The following VDAC1 variants were observed in gnomAD, a reference collection of about 807,000 sequenced individuals.
VDAC1 encodes the protein voltage dependent anion channel 1.
Under a neutral mutation model 34.7 loss-of-function variants are expected in VDAC1, and 10 were observed. The ratio of observed to expected loss-of-function variants is 0.29; its 90% confidence interval spans 0.18 to 0.49. The LOEUF is 0.49. Among genes scored for constraint, VDAC1 ranks in the 20% least tolerant of loss-of-function variants. The pLI, the probability that VDAC1 is intolerant of heterozygous loss-of-function variation, is 0.99. For synonymous variants in VDAC1, 130 were observed against 136.0 expected (o/e 0.96, Z 0.30); for missense variants, 230 against 347.9 (o/e 0.66, Z 2.69).
At chr5:134,109,936 C>G in the VDAC1 span, among the ~76,000 whole-genome samples, 1 of 152,194 alleles carries the variant, frequency 6.6e-6, no homozygotes, top group Non-Finnish European at 1.5e-5. Context: ...ACTGGTACAC[C>G]CGGCAGCCTA....
chr5:134,006,401 G>A (rs1753751215), upstream of VDAC1, among the ~76,000 whole-genome samples: 1 of 152,152 alleles, frequency 6.6e-6, no homozygotes. Context: ...GGGAGCAAAT[G>A]TCGAAGGGCT....
the VDAC1 span, among the ~76,000 whole-genome samples, chr5:134,085,593 ACCATCCCCACAGGG>A: frequency 2.7e-5 from 4 of 149,798 alleles, no homozygotes; most frequent in East Asian, 8.3e-4. Context: ...ATATTGGTCA[ACCATCCCCACAGGG>A]CCAGGCGCAG....
chr5:133,975,945 A>G lies in VDAC1; in HGVS notation c.628T>C (p.Trp210Arg). ...KKLETAVNLA[W>R]TAGNSNTRFG... ...CGCGTGTTACTGTTTCCTGCTGTCC[A>G]GGCAAGATTGACAGCGGTCTCCAAC... The change falls in exon 7 of 9, where the codon TGG (tryptophan) becomes CGG (arginine). Residue 210 changes from tryptophan to arginine, a missense_variant. Coordinates refer to ENST00000265333, the MANE Select transcript of VDAC1 (RefSeq NM_003374.3). 1 of 1,613,138 alleles carries G rather than the reference A, an allele frequency of 6.2e-7. No homozygotes were observed. The highest frequency in any genetic ancestry group is 8.5e-7 in the Non-Finnish European group (1 of 1,179,922).
At chr5:134,102,328 C>T in the VDAC1 span, among the ~76,000 whole-genome samples, 10 of 147,070 alleles carry the variant, frequency 6.8e-5, no homozygotes, top group Non-Finnish European at 1.5e-4. Flanking sequence ...CATCCCCCCA[C>T]CCTCTACCCC....
At chr5:134,081,549 G>A in the VDAC1 span, among the ~76,000 whole-genome samples, 1 of 152,162 alleles carries the variant, frequency 6.6e-6, no homozygotes, top group Non-Finnish European at 1.5e-5. Flanking sequence ...TGAAATAAAA[G>A]TATTATTTGT....
the VDAC1 span, among the ~76,000 whole-genome samples, chr5:134,076,265 C>T: frequency 6.6e-6 from 1 of 152,202 alleles, no homozygotes; most frequent in African/African-American, 2.4e-5. Flanking sequence ...AGGCATGAGC[C>T]ACCATGCCCA....
the VDAC1 span, among the ~76,000 whole-genome samples, chr5:134,028,910 T>G: frequency 6.6e-6 from 1 of 152,196 alleles, no homozygotes; most frequent in Admixed American, 6.5e-5. Flanking sequence ...TCCTTGAATG[T>G]GGACCACAGC....
intron 6 of VDAC1, among the ~76,000 whole-genome samples, chr5:133,978,157 T>A: frequency 6.7e-6 from 1 of 149,252 alleles, no homozygotes; most frequent in East Asian, 2.0e-4. Context: ...AGAGAATACA[T>A]TCTAAATTTT....
At chr5:134,098,597 T>G in the VDAC1 span, among the ~76,000 whole-genome samples, 1 of 152,154 alleles carries the variant, frequency 6.6e-6, no homozygotes, top group Non-Finnish European at 1.5e-5. Context: ...CCTGGACAGG[T>G]GGTGGTGTCC....
At chr5:134,039,571 C>T in the VDAC1 span, among the ~76,000 whole-genome samples, 1 of 152,168 alleles carries the variant, frequency 6.6e-6, no homozygotes, top group East Asian at 1.9e-4. Flanking sequence ...CCTCGTGATC[C>T]GCCCGCCTTG....
the VDAC1 span, among the ~76,000 whole-genome samples, chr5:134,089,256 G>A: frequency 2.4e-4 from 36 of 152,354 alleles, no homozygotes; most frequent in African/African-American, 6.7e-4. Flanking sequence ...CAGCCTCAGC[G>A]CAGATGACTG....
At chr5:134,033,730 C>T in the VDAC1 span, among the ~76,000 whole-genome samples, 80 of 150,810 alleles carry the variant, frequency 5.3e-4, no homozygotes, top group African/African-American at 1.8e-3. Flanking sequence ...CGATGGCTCA[C>T]GCCTGTAATC....
At chr5:134,027,039 T>C in the VDAC1 span, among the ~76,000 whole-genome samples, 1 of 152,122 alleles carries the variant, frequency 6.6e-6, no homozygotes, top group East Asian at 1.9e-4. Context: ...ACTTCACAGC[T>C]TTGGGGAAGA....
the VDAC1 span, among the ~76,000 whole-genome samples, chr5:134,063,803 G>T: frequency 6.6e-6 from 1 of 152,062 alleles, no homozygotes; most frequent in African/African-American, 2.4e-5. Context: ...CAAATAAAAT[G>T]ATTGTTGTCT....
chr5:133,979,423 G>GTTTTTTT (rs1561583199), intron 6 of VDAC1, among the ~76,000 whole-genome samples: 1 of 59,290 alleles, frequency 1.7e-5, no homozygotes, highest in African/African-American at 5.0e-5. Context: ...TATTTTCTTT[G>GTTTTTTT]CTTTTTTTTT....
intron 2 of VDAC1, 44 bp from the exon 3 acceptor site, chr5:133,992,399 A>G (rs780774681): frequency 1.4e-6 from 2 of 1,476,044 alleles, no homozygotes; most frequent in South Asian, 2.6e-5. Flanking sequence ...AAATAACTAG[A>G]GAACAGCACC....
intron 5 of VDAC1, among the ~76,000 whole-genome samples, chr5:133,983,512 T>C (rs561092584): frequency 6.6e-6 from 1 of 152,140 alleles, no homozygotes; most frequent in South Asian, 2.1e-4. Flanking sequence ...GTTAAACATA[T>C]TTTTCTGTAT....
chr5:134,043,524 TTC>T, the VDAC1 span, among the ~76,000 whole-genome samples: 56 of 148,042 alleles, frequency 3.8e-4, no homozygotes, highest in Non-Finnish European at 1.0e-4. Flanking sequence ...GGGTAGACTT[TTC>T]TTTTTTCTTT....
intron 2 of VDAC1, 33 bp downstream of exon 2, chr5:133,992,913 A>G (rs1260646226): frequency 3.8e-6 from 6 of 1,599,658 alleles, no homozygotes; most frequent in East Asian, 4.5e-5. Context: ...TCAGTCTGTG[A>G]GCTGAAAGGC....
Sources: allele counts gnomAD v4.1 joint callset (sites outside exome capture counted in the v4.1 genomes callset), GRCh38; gene constraint gnomAD v4.1.1; transcripts MANE v1.5; gene names NCBI Gene and HGNC (gene_info 2026-07-23, HGNC 2026-07-21).